ALK: variants seen among roughly 807,000 people sequenced by gnomAD.
The protein encoded by ALK is ALK tyrosine kinase receptor.
In ALK, 74 loss-of-function variants were observed where a neutral mutation model predicts 163.1. The observed-to-expected ratio is 0.45, with a 90% CI of 0.38 to 0.55. The LOEUF (loss-of-function observed/expected upper bound fraction) is 0.55. Ranked by LOEUF, ALK falls within the 20% of genes least tolerant of loss-of-function variation. The probability of loss-of-function intolerance (pLI) is 0.00; values close to 1 mark genes in which losing one functional copy is unlikely to be tolerated. For synonymous variants in ALK, 960 were observed against 843.2 expected, an observed-to-expected ratio of 1.14 and a Z score of -2.40; for missense variants, 2,063 against 2,105.3, an observed-to-expected ratio of 0.98 and a Z score of 0.39.
chr2:29,421,159 C>G (rs1270211445), intron 4 of ALK, among the ~76,000 whole-genome samples: 1 of 151,520 alleles, frequency 6.6e-6, no homozygotes, highest in Admixed American at 6.6e-5. Context: ...TCTGCTGGTA[C>G]TGGAAGCTGC....
intron 1 of ALK, among the ~76,000 whole-genome samples, chr2:29,736,777 C>G (rs959565175): frequency 6.6e-6 from 1 of 151,888 alleles, no homozygotes; most frequent in Non-Finnish European, 1.5e-5. Flanking sequence ...GAATTTGTAG[C>G]GATAACTGAT....
intron 3 of ALK, among the ~76,000 whole-genome samples, chr2:29,642,252 C>A (rs898435677): frequency 6.6e-6 from 1 of 152,134 alleles, no homozygotes; most frequent in African/African-American, 2.4e-5. Flanking sequence ...TTCAAATATG[C>A]ACCTTATTTC....
chr2:29,784,678 G>C (rs1465287797), intron 1 of ALK, among the ~76,000 whole-genome samples: 2 of 147,426 alleles, frequency 1.4e-5, no homozygotes, highest in African/African-American at 2.5e-5. Context: ...CTGGGTGACA[G>C]AGCAAGACCT....
chr2:29,587,770 C>T (rs910054829), intron 3 of ALK, among the ~76,000 whole-genome samples: 1 of 152,026 alleles, frequency 6.6e-6, no homozygotes, highest in East Asian at 1.9e-4. Context: ...ATGTTGTATT[C>T]AATATTTTAT....
chr2:29,614,033 T>A (rs1296415791), intron 3 of ALK, among the ~76,000 whole-genome samples: 2 of 152,146 alleles, frequency 1.3e-5, no homozygotes, highest in African/African-American at 2.4e-5. Context: ...GACAGCCTTG[T>A]GTGACAGGAG....
chr2:29,675,983 C>T (rs571923867), intron 3 of ALK, among the ~76,000 whole-genome samples: 5 of 152,188 alleles, frequency 3.3e-5, no homozygotes, highest in Admixed American at 2.6e-4. Flanking sequence ...GCATTGGCCT[C>T]CCAAAGTGTT....
At chr2:29,834,790 A>G (rs113068710) in intron 1 of ALK, among the ~76,000 whole-genome samples, 82 of 152,350 alleles carry the variant, frequency 5.4e-4, no homozygotes, top group African/African-American at 1.9e-3. Context: ...GTCTTTCCAC[A>G]TTAGTCACAC....
At chr2:29,766,354 G>C (rs1435637876) in intron 1 of ALK, among the ~76,000 whole-genome samples, 1 of 152,076 alleles carries the variant, frequency 6.6e-6, no homozygotes, top group Non-Finnish European at 1.5e-5. Flanking sequence ...CTACAAGCCT[G>C]GCATTTATTC....
At chr2:29,536,816 A>G (rs1673269662) in intron 3 of ALK, among the ~76,000 whole-genome samples, 1 of 152,236 alleles carries the variant, frequency 6.6e-6, no homozygotes, top group African/African-American at 2.4e-5. Flanking sequence ...GAAATAAAAA[A>G]GTTATTGAAA....
intron 4 of ALK, among the ~76,000 whole-genome samples, chr2:29,445,488 G>A (rs550062015): frequency 1.3e-5 from 2 of 152,358 alleles, no homozygotes; most frequent in African/African-American, 2.4e-5. Context: ...CCCAGTGGCA[G>A]TGTGGTGTCT....
rs1664033770 is a variant in ALK at position 29,227,319 on chromosome 2, CATGATCTTTAG to C, written c.2914+244_2915-246del. Among the ~76,000 whole-genome samples the C allele has an allele frequency of 6.6e-6, 1 of 152,234 alleles. No homozygotes were observed. Among genetic ancestry groups the C allele is most frequent in the Non-Finnish European group, 1.5e-5 (1 of 68,048 alleles). ...TCAGTGGTGGAGAGAAGCCCACGCACATGATCTTTAGGTTGGCTGGTGCAGGTATTGGGCTA... is the reference window on the plus strand; with the variant it reads ...TCAGTGGTGGAGAGAAGCCCACGCACGTTGGCTGGTGCAGGTATTGGGCTA... On this transcript the variant is annotated intron_variant, in intron 17 of 28. Coordinates refer to ENST00000389048, the MANE Select transcript of ALK (RefSeq NM_004304.5). This position sits in a 1 kb window ranked among gnomAD's most constrained non-coding sequence, Gnocchi z 4.4.
chr2:29,546,736 G>T (rs1008893709), intron 3 of ALK, among the ~76,000 whole-genome samples: 1 of 152,160 alleles, frequency 6.6e-6, no homozygotes, highest in Non-Finnish European at 1.5e-5. Context: ...TTGCTAAGAG[G>T]TAGCGGCTTT....
At chr2:29,738,195 G>A (rs1679947660) in intron 1 of ALK, among the ~76,000 whole-genome samples, 1 of 151,854 alleles carries the variant, frequency 6.6e-6, no homozygotes, top group Admixed American at 6.6e-5. Flanking sequence ...CTGTAACTAG[G>A]TGCTGCACCT....
At chr2:29,787,602 AT>A (rs1307446520) in intron 1 of ALK, among the ~76,000 whole-genome samples, 2 of 152,190 alleles carry the variant, frequency 1.3e-5, no homozygotes, top group Non-Finnish European at 2.9e-5. Context: ...AAGGGAGCTG[AT>A]ACATTCGTGG....
chr2:29,700,267 T>C (rs1017233074), intron 2 of ALK, among the ~76,000 whole-genome samples: 1 of 152,174 alleles, frequency 6.6e-6, no homozygotes, highest in Non-Finnish European at 1.5e-5. Flanking sequence ...AAAGCTTGGC[T>C]GGGTGCAGTG....
intron 3 of ALK, among the ~76,000 whole-genome samples, chr2:29,659,446 T>C (rs2148260544): frequency 6.6e-6 from 1 of 152,194 alleles, no homozygotes; most frequent in Admixed American, 6.5e-5. Flanking sequence ...AGCTATTTAT[T>C]GTGACAGCAC....
chr2:29,297,858 A>G (rs1320685731), intron 8 of ALK, among the ~76,000 whole-genome samples: 1 of 129,352 alleles, frequency 7.7e-6, no homozygotes, highest in East Asian at 1.9e-4. Flanking sequence ...GTGTTTAAAA[A>G]CCTAGGACAA....
rs1674626433 is a variant in ALK at position 29,579,744 on chromosome 2, G to A, written c.953-47628C>T. Reference sequence around the variant, plus strand: ...TGCTTCAGATGCCGGATATGTAGAGGGAAGGTTGAAAGACCCCCTCAGCAA... The same window carrying A: ...TGCTTCAGATGCCGGATATGTAGAGAGAAGGTTGAAAGACCCCCTCAGCAA... On this transcript the variant is annotated intron_variant, in intron 3 of 28. Coordinates refer to ENST00000389048, the MANE Select transcript of ALK (RefSeq NM_004304.5). 2.6e-5 allele frequency among the ~76,000 whole-genome samples: 4 copies of A among 152,096 alleles called. No individual in the cohort carries two copies. The South Asian group carries it at 8.3e-4, about 32-fold the overall frequency.
chr2:29,222,349 GATC>G lies in ALK; in HGVS notation c.3507_3509del (p.Ile1171del), dbSNP rs759189006. Reference sequence around the variant, plus strand: ...GTGTCTCTCTGTGGCTTTACCTGATGATCAGGGCTTCCATGAGGAAATCCAGTT... The same window carrying G: ...GTGTCTCTCTGTGGCTTTACCTGATGAGGGCTTCCATGAGGAAATCCAGTT... On this transcript the variant is annotated inframe_deletion, in exon 22 of 29. Coordinates refer to ENST00000389048, the MANE Select transcript of ALK (RefSeq NM_004304.5). 1 of 1,614,030 alleles carries G rather than the reference GATC, an allele frequency of 6.2e-7. No individual in the cohort carries two copies. Among genetic ancestry groups the G allele is most frequent in the Non-Finnish European group, 8.5e-7 (1 of 1,179,980 alleles).
Sources: allele counts gnomAD v4.1 joint callset (sites outside exome capture counted in the v4.1 genomes callset), GRCh38; gene constraint gnomAD v4.1.1; non-coding constraint Gnocchi (gnomAD v3.1); transcripts MANE v1.5; gene names NCBI Gene and HGNC (gene_info 2026-07-23, HGNC 2026-07-21).